Variants in ERAL1 observed in about 807,000 individuals in gnomAD.
ERAL1 encodes the protein Era like 12S mitochondrial rRNA chaperone 1.
Under a neutral mutation model 53.6 loss-of-function variants are expected in ERAL1, and 36 were observed. That is an observed-to-expected ratio of 0.67 (90% CI 0.51 to 0.89). ERAL1 has a LOEUF of 0.89. ERAL1 is among the 40% of genes least tolerant of loss of function. The probability of loss-of-function intolerance (pLI) is 0.00; values close to 1 mark genes in which losing one functional copy is unlikely to be tolerated. For missense variants in ERAL1, 512 were observed against 537.5 expected (o/e 0.95, Z 0.47); for synonymous variants, 215 against 211.8 (o/e 1.02, Z -0.13).
At chr17:28,860,288 T>C (rs999264057) in intron 9 of ERAL1, 143 bp from the exon 10 acceptor site, 1 of 923,702 alleles carries the variant, frequency 1.1e-6, no homozygotes, top group Non-Finnish European at 1.6e-6. Flanking sequence ...CCCTCTCTTT[T>C]TTTTAAAGAG....
At chr17:28,859,420 G>A (rs2039280337) in intron 9 of ERAL1, 137 bp downstream of exon 9, 6 of 817,170 alleles carry the variant, frequency 7.3e-6, no homozygotes, top group South Asian at 5.4e-5. Context: ...AGACAGTCTC[G>A]CTCTGTCACC....
Position 28,856,387 on chromosome 17 carries a change from G to A in ERAL1, c.407G>A (p.Arg136Gln), listed in dbSNP as rs776622713. Residue 136 changes from arginine (R) to glutamine (Q), a missense_variant, in exon 2 of 10, where the codon CGA becomes CAA. Arg to Gln is a conservative substitution (Grantham distance 43). Coordinates refer to ENST00000254928, the MANE Select transcript of ERAL1 (RefSeq NM_005702.4). Reference sequence around the variant, plus strand: ...ACACTCTCCAACCAGCTACTGGGCCGAAAGGTATGCTACACCCTTGACCAT... The same window carrying A: ...ACACTCTCCAACCAGCTACTGGGCCAAAAGGTATGCTACACCCTTGACCAT... ...KSTLSNQLLGRKVFPVSRKVH... is the reference protein window; with the variant it reads ...KSTLSNQLLGQKVFPVSRKVH... 1.5e-5 allele frequency: 24 copies of A among 1,613,922 alleles called. No individual in the cohort carries two copies. The highest frequency in any genetic ancestry group is 6.6e-5 in the South Asian group (6 of 91,084).
chr17:28,858,540 C>G, intron 6 of ERAL1, 36 bp from the exon 7 acceptor site: 3 of 1,614,134 alleles, frequency 1.9e-6, no homozygotes, highest in Non-Finnish European at 2.5e-6. Context: ...TCCCCTATCT[C>G]TGACCACACA....
At chr17:28,855,636 C>G (rs992028521) in intron 1 of ERAL1, among the ~76,000 whole-genome samples, 2 of 152,152 alleles carry the variant, frequency 1.3e-5, no homozygotes, top group African/African-American at 4.8e-5. Flanking sequence ...GACACAGTTA[C>G]ACCTGGAAAA....
chr17:28,859,858 A>G (rs2039286882), intron 9 of ERAL1, among the ~76,000 whole-genome samples: 1 of 151,968 alleles, frequency 6.6e-6, no homozygotes, highest in Non-Finnish European at 1.5e-5. Context: ...AAGGGGTTTC[A>G]CCATGTTGCC....
chr17:28,855,462 AAT>A (rs1275092888), intron 1 of ERAL1, 145 bp downstream of exon 1: 3 of 972,116 alleles, frequency 3.1e-6, no homozygotes, highest in Non-Finnish European at 4.3e-6. Flanking sequence ...TCAGGAGAGA[AAT>A]AACAGTTTGA....
intron 9 of ERAL1, among the ~76,000 whole-genome samples, chr17:28,859,566 G>A (rs2320588): frequency 0.73 from 109,451 of 150,110 alleles, 40,391 homozygotes; most frequent in Non-Finnish European, 0.8. Context: ...TTGAGACAAA[G>A]TCTCACTCTG....
Position 28,858,406 on chromosome 17 carries a change from A to G in ERAL1, c.631A>G (p.Thr211Ala). The G allele has an allele frequency of 6.2e-7, 1 of 1,614,092 alleles. No homozygotes were observed. The highest frequency in any genetic ancestry group is 8.5e-7 in the Non-Finnish European group (1 of 1,180,018). Residue 211 changes from threonine to alanine, a missense_variant, in exon 6 of 10, where the codon ACA becomes GCA. Thr to Ala is a moderately conservative substitution (Grantham distance 58). Transcript: ENST00000254928. Reference protein sequence around the residue: ...VVLVDVSDKWTRNQLSPQLLR... With the variant: ...VVLVDVSDKWARNQLSPQLLR... ...TCTTGTGGATGTCTCAGACAAGTGGACACGGAACCAGCTCAGCCCCCAGTT... is the reference window on the plus strand; with the variant it reads ...TCTTGTGGATGTCTCAGACAAGTGGGCACGGAACCAGCTCAGCCCCCAGTT...
intron 1 of ERAL1, 60 bp from the exon 2 acceptor site, chr17:28,856,204 A>T: frequency 6.2e-7 from 1 of 1,600,500 alleles, no homozygotes; most frequent in Non-Finnish European, 8.5e-7. Context: ...GGCAGGAACA[A>T]GCACTTGACA....
Position 28,859,211 on chromosome 17 carries a change from A to C in ERAL1, c.1119A>C (p.Ala373=). ...EVPYNVQQKT[A]VWEEGPGGEL... ...TTTGTCTCCCTGTACAGAAGACAGC[A>C]GTGTGGGAGGAAGGACCAGGTGGGG... The change falls in exon 9 of 10, where the codon GCA becomes GCC. Residue 373 remains alanine, a synonymous_variant. Coordinates refer to ENST00000254928, the MANE Select transcript of ERAL1 (RefSeq NM_005702.4). 6.2e-7 allele frequency: 1 copy of C among 1,614,162 alleles called. No homozygotes were observed. The highest frequency in any genetic ancestry group is 8.5e-7 in the Non-Finnish European group (1 of 1,180,020).
chr17:28,856,255 T>G lies in ERAL1; in HGVS notation c.284-9T>G. 6.2e-7 allele frequency: 1 copy of G among 1,613,862 alleles called. No homozygotes were observed. The highest frequency in any genetic ancestry group is 8.5e-7 in the Non-Finnish European group (1 of 1,179,808). On this transcript the variant is annotated splice_polypyrimidine_tract_variant and intron_variant, in intron 1 of 9. Coordinates refer to ENST00000254928, the MANE Select transcript of ERAL1 (RefSeq NM_005702.4). ...ACTGTGTCTCATGCTTCTTCCCACT[T>G]GCACATAGATGAGCAGGATGTCCTC...
chr17:28,860,210 C>T (rs1012825561), intron 9 of ERAL1, among the ~76,000 whole-genome samples: 2 of 152,180 alleles, frequency 1.3e-5, no homozygotes, highest in African/African-American at 4.8e-5. Flanking sequence ...CTCCTGACCT[C>T]AGGTGATCTG....
At chr17:28,855,635 A>G (rs940056287) in intron 1 of ERAL1, among the ~76,000 whole-genome samples, 3 of 152,182 alleles carry the variant, frequency 2.0e-5, no homozygotes, top group African/African-American at 4.8e-5. Context: ...AGACACAGTT[A>G]CACCTGGAAA....
intron 9 of ERAL1, 110 bp from the exon 10 acceptor site, chr17:28,860,320 TG>T: frequency 7.7e-7 from 1 of 1,304,832 alleles, no homozygotes; most frequent in Non-Finnish European, 1.1e-6. Flanking sequence ...TTACCCAGGC[TG>T]GACTCAAACT....
rs1432413146 is a variant in ERAL1, at chr17:28,860,422, T to C, written c.1192-9T>C. The C allele has an allele frequency of 1.2e-6, 2 of 1,611,006 alleles. No individual in the cohort carries two copies. Among genetic ancestry groups the C allele is most frequent in the Non-Finnish European group, 1.7e-6 (2 of 1,178,634 alleles). On this transcript the variant is annotated splice_polypyrimidine_tract_variant and intron_variant, in intron 9 of 9. Coordinates refer to ENST00000254928, the MANE Select transcript of ERAL1 (RefSeq NM_005702.4). ...ATTCCTGGCTTCCTTCTCTTTCACA[T>C]ACCCTCAGAAACTCCTGATTGGTCC...
rs1417900822 is a variant in ERAL1, at chr17:28,858,975, G to GAC, written c.976_977dup (p.Gln326HisfsTer33). 1 of 1,614,058 alleles carries GAC rather than the reference G, an allele frequency of 6.2e-7. No homozygotes were observed. The highest frequency in any genetic ancestry group is 2.2e-5 in the East Asian group (1 of 44,886). On this transcript the variant is annotated frameshift_variant, in exon 8 of 10. Transcript: ENST00000254928. LOFTEE classifies it high-confidence loss of function. ...CTCTGTTCCCACAGCAATACCTTCTGACACAGGCCCAGCCAGGGCCCTGGG... is the reference window on the plus strand; with the variant it reads ...CTCTGTTCCCACAGCAATACCTTCTGACACACAGGCCCAGCCAGGGCCCTGGG...
intron 3 of ERAL1, 98 bp downstream of exon 3, chr17:28,856,680 A>G (rs752534692): frequency 9.4e-7 from 1 of 1,067,982 alleles, no homozygotes; most frequent in African/African-American, 1.6e-5. Flanking sequence ...GGTCACATTC[A>G]TTTATGTGAG....
intron 9 of ERAL1, among the ~76,000 whole-genome samples, chr17:28,859,705 A>G (rs2039283730): frequency 1.3e-5 from 2 of 151,500 alleles, no homozygotes; most frequent in Admixed American, 6.6e-5. Flanking sequence ...AAGCCCAGCT[A>G]ATTTTTGTAT....
chr17:28,858,390 T>C lies in ERAL1; in HGVS notation c.615T>C (p.Asp205=), dbSNP rs1567919521. Residue 205 remains aspartate (D), a synonymous_variant, in exon 6 of 10, where the codon GAT becomes GAC. Transcript: ENST00000254928. ...ATCTTCTAGTTGTGGTTCTTGTGGA[T>C]GTCTCAGACAAGTGGACACGGAACC... ...ESADLVVVLV[D]VSDKWTRNQL... is the part of the protein sequence containing the mutation. 6.2e-7 allele frequency: 1 copy of C among 1,614,158 alleles called. No individual in the cohort carries two copies.
Sources: allele counts gnomAD v4.1 joint callset (sites outside exome capture counted in the v4.1 genomes callset), GRCh38; gene constraint gnomAD v4.1.1; transcripts MANE v1.5; gene names NCBI Gene and HGNC (gene_info 2026-07-23, HGNC 2026-07-21).